PLCB1: variants seen among roughly 807,000 people sequenced by gnomAD.
PLCB1 encodes the protein phospholipase C beta 1, also known as 1-phosphatidylinositol 4,5-bisphosphate phosphodiesterase beta-1.
Under a neutral mutation model 161.8 loss-of-function variants are expected in PLCB1, and 46 were observed. The observed-to-expected ratio is 0.28, with a 90% CI of 0.22 to 0.36. The LOEUF (loss-of-function observed/expected upper bound fraction) is 0.36, where lower values mean the gene tolerates loss of function less well. Ranked by LOEUF, PLCB1 falls within the 10% of genes least tolerant of loss-of-function variation. The probability of loss-of-function intolerance (pLI) is 1.00; values close to 1 mark genes in which losing one functional copy is unlikely to be tolerated. For missense variants in PLCB1, 1,016 were observed against 1,472.5 expected (o/e 0.69, Z 5.07); for synonymous variants, 517 against 503.7 (o/e 1.03, Z -0.35).
At chr20:8,570,693 T>C (rs1291889438) in intron 3 of PLCB1, among the ~76,000 whole-genome samples, 2 of 88,680 alleles carry the variant, frequency 2.3e-5, no homozygotes, top group Admixed American at 2.0e-4. Flanking sequence ...GTCCCTGATC[T>C]CACGGAGCTG....
chr20:8,792,466 A>G (rs1302253641), intron 31 of PLCB1: 1 of 457,330 alleles, frequency 2.2e-6, no homozygotes, highest in Non-Finnish European at 4.5e-6. Flanking sequence ...CATACAGTGT[A>G]CGTTACAGCC....
chr20:8,805,251 A>G (rs1984480258), intron 31 of PLCB1, among the ~76,000 whole-genome samples: 1 of 152,208 alleles, frequency 6.6e-6, no homozygotes, highest in African/African-American at 2.4e-5. Flanking sequence ...AACTGTGGTA[A>G]CCCATTTTTT....
intron 3 of PLCB1, among the ~76,000 whole-genome samples, chr20:8,606,393 TC>T (rs963771264): frequency 5.3e-5 from 8 of 152,046 alleles, no homozygotes; most frequent in African/African-American, 1.9e-4. Flanking sequence ...CTTCATTTCC[TC>T]CTCTAAAAGA....
At chr20:8,803,880 A>G (rs1461638898) in intron 31 of PLCB1, among the ~76,000 whole-genome samples, 3 of 151,410 alleles carry the variant, frequency 2.0e-5, no homozygotes, top group African/African-American at 7.3e-5. Context: ...CACAACCTCC[A>G]CCTCCCGGGT....
chr20:8,646,098 T>C lies in PLCB1; in HGVS notation c.385-4T>C. On this transcript the variant is annotated splice_region_variant and splice_polypyrimidine_tract_variant and intron_variant, in intron 4 of 31. Transcript: ENST00000338037. The stretch of plus-strand genomic sequence containing the variant: ...CTAATGCAAGTGTTATTTACATTTT[T>C]CAGGAATGGACAAATGAGGTTTTCA... 1 of 1,602,636 alleles carries C rather than the reference T, an allele frequency of 6.2e-7. No individual in the cohort carries two copies. The highest frequency in any genetic ancestry group is 8.6e-7 in the Non-Finnish European group (1 of 1,169,444).
At chr20:8,411,449 G>A (rs1335414224) in intron 3 of PLCB1, among the ~76,000 whole-genome samples, 1 of 152,132 alleles carries the variant, frequency 6.6e-6, no homozygotes, top group African/African-American at 2.4e-5. Flanking sequence ...CTAAACAAGA[G>A]TGGGAACATT....
At chr20:8,681,092 A>G (rs367759051) in intron 9 of PLCB1, among the ~76,000 whole-genome samples, 3,417 of 71,266 alleles carry the variant, frequency 0.048, 135 homozygotes, top group African/African-American at 0.15. Context: ...GTGTGTATAT[A>G]TATATATATA....
intron 26 of PLCB1, among the ~76,000 whole-genome samples, chr20:8,771,558 A>C (rs1365108597): frequency 1.3e-5 from 2 of 152,076 alleles, no homozygotes. Context: ...AAATTGCCAG[A>C]GATTTAATTT....
chr20:8,677,694 A>T (rs777978530), intron 9 of PLCB1, among the ~76,000 whole-genome samples: 5 of 152,166 alleles, frequency 3.3e-5, no homozygotes, highest in Non-Finnish European at 7.4e-5. Context: ...CAAACCTCTT[A>T]ACAGAGCTAA....
At chr20:8,338,749 A>T in intron 2 of PLCB1, among the ~76,000 whole-genome samples, 1 of 152,196 alleles carries the variant, frequency 6.6e-6, no homozygotes, top group Non-Finnish European at 1.5e-5. Flanking sequence ...TTAAGATAGA[A>T]CATTTCATGG....
At chr20:8,287,217 A>G (rs1186102881) in intron 2 of PLCB1, among the ~76,000 whole-genome samples, 2 of 152,012 alleles carry the variant, frequency 1.3e-5, no homozygotes, top group Non-Finnish European at 2.9e-5. Context: ...CTTAGTCCAT[A>G]TTTATGTTTA....
At chr20:8,303,623 C>T (rs184484606) in intron 2 of PLCB1, among the ~76,000 whole-genome samples, 35 of 152,258 alleles carry the variant, frequency 2.3e-4, no homozygotes, top group Non-Finnish European at 3.8e-4. Flanking sequence ...CTACTTTTTA[C>T]GCTTTGAAAT....
intron 31 of PLCB1, among the ~76,000 whole-genome samples, chr20:8,854,051 G>GA (rs1046893177): frequency 2.0e-5 from 3 of 152,048 alleles, no homozygotes; most frequent in African/African-American, 7.2e-5. Context: ...AAGCCAGAGG[G>GA]AAAAAAGGAA....
intron 2 of PLCB1, among the ~76,000 whole-genome samples, chr20:8,309,133 G>T: frequency 6.6e-6 from 1 of 152,096 alleles, no homozygotes; most frequent in East Asian, 1.9e-4. Context: ...ATCTGAGGTG[G>T]GAGAATCTCT....
At chr20:8,204,406 G>T (rs1400839909) in intron 2 of PLCB1, among the ~76,000 whole-genome samples, 1 of 152,008 alleles carries the variant, frequency 6.6e-6, no homozygotes, top group Non-Finnish European at 1.5e-5. Context: ...CTGAACTCAG[G>T]CATCTTCATA....
At chr20:8,715,689 C>T (rs1979268369) in intron 12 of PLCB1, among the ~76,000 whole-genome samples, 1 of 152,118 alleles carries the variant, frequency 6.6e-6, no homozygotes, top group Admixed American at 6.6e-5. Flanking sequence ...CTCCAGGACC[C>T]CCTCCCCAAG....
intron 31 of PLCB1, among the ~76,000 whole-genome samples, chr20:8,866,767 G>T (rs6086672): frequency 5.3e-5 from 8 of 151,938 alleles, no homozygotes; most frequent in African/African-American, 1.9e-4. Context: ...CTTCACCTTG[G>T]GGGGAGAATT....
At chr20:8,722,147 C>A (rs1323820919) in intron 14 of PLCB1, among the ~76,000 whole-genome samples, 3 of 59,980 alleles carry the variant, frequency 5.0e-5, no homozygotes, top group Admixed American at 1.7e-4. Flanking sequence ...TATTTATTAA[C>A]AAATCCAGTT....
intron 29 of PLCB1, 71 bp downstream of exon 29, chr20:8,788,793 A>T: frequency 1.0e-6 from 1 of 985,646 alleles, no homozygotes; most frequent in Non-Finnish European, 1.5e-6. Flanking sequence ...TCAGAGTCAC[A>T]GGTTCATAAC....
Sources: allele counts gnomAD v4.1 joint callset (sites outside exome capture counted in the v4.1 genomes callset), GRCh38; gene constraint gnomAD v4.1.1; transcripts MANE v1.5; gene names NCBI Gene and HGNC (gene_info 2026-07-23, HGNC 2026-07-21).